NLGN1: variants seen among roughly 807,000 people sequenced by gnomAD.
The protein encoded by NLGN1 is neuroligin-1.
A neutral mutation model predicts 65.5 loss-of-function variants in NLGN1; 12 were observed. The observed-to-expected ratio is 0.18, with a 90% CI of 0.12 to 0.30. The LOEUF (loss-of-function observed/expected upper bound fraction) is 0.30. NLGN1 is among the 10% of genes least tolerant of loss of function. NLGN1 has a pLI of 1.00. For missense variants in NLGN1, 750 were observed against 1,007.1 expected, an observed-to-expected ratio of 0.74 and a Z score of 3.46; for synonymous variants, 350 against 359.5, an observed-to-expected ratio of 0.97 and a Z score of 0.30.
chr3:174,148,606 T>C (rs745837373), intron 4 of NLGN1, among the ~76,000 whole-genome samples: 2 of 152,170 alleles, frequency 1.3e-5, no homozygotes, highest in Non-Finnish European at 2.9e-5. Context: ...ATTAAGTATA[T>C]AAATCTGTTT....
chr3:173,990,963 T>C (rs964642157), intron 4 of NLGN1, among the ~76,000 whole-genome samples: 2 of 152,150 alleles, frequency 1.3e-5, no homozygotes, highest in Non-Finnish European at 2.9e-5. Context: ...AACAGAGATT[T>C]CCCATATACC....
chr3:174,154,529 A>G (rs1724968301), intron 4 of NLGN1, among the ~76,000 whole-genome samples: 1 of 152,052 alleles, frequency 6.6e-6, no homozygotes, highest in African/African-American at 2.4e-5. Context: ...TAAATGAAGG[A>G]TCATTGATGA....
chr3:174,241,253 TG>T (rs1213416395), intron 4 of NLGN1, among the ~76,000 whole-genome samples: 3 of 152,178 alleles, frequency 2.0e-5, no homozygotes, highest in Non-Finnish European at 4.4e-5. Context: ...CCGGAGTCAT[TG>T]TTTTTTTCTA....
intron 4 of NLGN1, among the ~76,000 whole-genome samples, chr3:174,129,738 A>C (rs2152668288): frequency 6.6e-6 from 1 of 152,308 alleles, no homozygotes; most frequent in Non-Finnish European, 1.5e-5. Flanking sequence ...TGTATTTAAT[A>C]ATGTTTTTTA....
chr3:174,176,571 AGTTTTGTTTTGTTTT>A (rs372596207), intron 4 of NLGN1, among the ~76,000 whole-genome samples: 5 of 151,798 alleles, frequency 3.3e-5, no homozygotes, highest in Non-Finnish European at 5.9e-5. Flanking sequence ...GCTTCAGTTC[AGTTTTGTTTTGTTTT>A]GTTTTGTTTT....
chr3:174,241,692 C>T (rs1484459844), intron 4 of NLGN1, among the ~76,000 whole-genome samples: 1 of 151,020 alleles, frequency 6.6e-6, no homozygotes, highest in Non-Finnish European at 1.5e-5. Context: ...CTCGTTCTGT[C>T]CCCCAGGCTG....
chr3:173,854,767 T>C (rs1222812240), intron 4 of NLGN1, among the ~76,000 whole-genome samples: 1 of 152,052 alleles, frequency 6.6e-6, no homozygotes, highest in Non-Finnish European at 1.5e-5. Context: ...ACATGTAGCA[T>C]AGAAATAGAA....
At chr3:173,414,486 T>A (rs1577341471) in intron 1 of NLGN1, among the ~76,000 whole-genome samples, 1 of 152,184 alleles carries the variant, frequency 6.6e-6, no homozygotes, top group East Asian at 1.9e-4. Context: ...CCGCTATGCT[T>A]TGTTTAGCAA....
chr3:174,289,777 C>A (rs1752519185), downstream of NLGN1, among the ~76,000 whole-genome samples: 2 of 149,962 alleles, frequency 1.3e-5, no homozygotes, highest in South Asian at 4.2e-4. Flanking sequence ...GATTCTAATC[C>A]CTTAGTCTTT....
At chr3:174,112,504 TA>T (rs1715458296) in intron 4 of NLGN1, among the ~76,000 whole-genome samples, 3 of 152,066 alleles carry the variant, frequency 2.0e-5, no homozygotes, top group Admixed American at 2.0e-4. Flanking sequence ...TTCTCCTTTT[TA>T]GACTCAGTGC....
At chr3:174,033,933 C>G (rs939858304) in intron 4 of NLGN1, among the ~76,000 whole-genome samples, 1 of 152,030 alleles carries the variant, frequency 6.6e-6, no homozygotes, top group Admixed American at 6.6e-5. Flanking sequence ...TGACAGACAG[C>G]AAACCACAGA....
At chr3:174,148,361 G>A (rs1723728883) in intron 4 of NLGN1, among the ~76,000 whole-genome samples, 1 of 152,154 alleles carries the variant, frequency 6.6e-6, no homozygotes, top group Non-Finnish European at 1.5e-5. Context: ...AGGGTGTTAA[G>A]TAATTACAAC....
chr3:174,075,538 A>G (rs1740728220), intron 4 of NLGN1, among the ~76,000 whole-genome samples: 1 of 152,184 alleles, frequency 6.6e-6, no homozygotes. Context: ...ACCTGACAGT[A>G]CGACTTGCCC....
At chr3:174,194,863 TTTTTTC>T (rs1216011013) in intron 4 of NLGN1, among the ~76,000 whole-genome samples, 4 of 39,076 alleles carry the variant, frequency 1.0e-4, no homozygotes, top group Non-Finnish European at 3.0e-4. Context: ...TTCTTTTTTC[TTTTTTC>T]TTTTTTTTTG....
chr3:173,539,010 G>C (rs1737953991), intron 2 of NLGN1, among the ~76,000 whole-genome samples: 1 of 151,908 alleles, frequency 6.6e-6, no homozygotes, highest in Non-Finnish European at 1.5e-5. Context: ...CCCTGAGTTA[G>C]TATATAATCA....
chr3:173,428,474 T>G (rs1415308203), intron 1 of NLGN1, among the ~76,000 whole-genome samples: 1 of 152,014 alleles, frequency 6.6e-6, no homozygotes, highest in Admixed American at 6.6e-5. Flanking sequence ...ACCATAAGGC[T>G]TACAAAATAT....
At chr3:173,831,512 T>G (rs187152052) in intron 4 of NLGN1, among the ~76,000 whole-genome samples, 1 of 152,284 alleles carries the variant, frequency 6.6e-6, no homozygotes, top group East Asian at 1.9e-4. Context: ...TACTGATGGC[T>G]CAGTTACCAC....
chr3:174,144,633 T>C (rs1436921630), intron 4 of NLGN1, among the ~76,000 whole-genome samples: 3 of 152,226 alleles, frequency 2.0e-5, no homozygotes, highest in Non-Finnish European at 4.4e-5. Context: ...TGGTATCTCA[T>C]TGTGGTTTTG....
intron 4 of NLGN1, among the ~76,000 whole-genome samples, chr3:174,260,956 G>C (rs1337710988): frequency 6.6e-6 from 1 of 150,744 alleles, no homozygotes; most frequent in African/African-American, 2.4e-5. Flanking sequence ...TTTCCCCATT[G>C]CTTGTTTTTC....
Sources: allele counts gnomAD v4.1 joint callset (sites outside exome capture counted in the v4.1 genomes callset), GRCh38; gene constraint gnomAD v4.1.1; transcripts MANE v1.5; gene names NCBI Gene and HGNC (gene_info 2026-07-23, HGNC 2026-07-21).